Variants in IDH3A observed in about 807,000 individuals in gnomAD.
The protein encoded by IDH3A is isocitrate dehydrogenase (NAD(+)) 3 catalytic subunit alpha, also known as isocitrate dehydrogenase [NAD] subunit alpha, mitochondrial.
IDH3A carries 23 observed loss-of-function variants against 43.3 expected under a neutral mutation model. The observed-to-expected ratio is 0.53, with a 90% CI of 0.38 to 0.75. IDH3A has a LOEUF of 0.75. Among genes scored for constraint, IDH3A ranks in the 30% least tolerant of loss-of-function variants. IDH3A has a pLI of 0.00. For synonymous variants in IDH3A, 154 were observed against 163.5 expected (o/e 0.94, Z 0.44); for missense variants, 329 against 474.4 (o/e 0.69, Z 2.85).
Position 78,155,226 on chromosome 15 carries a change from T to TG in IDH3A, c.46dup (p.Ala16GlyfsTer40). ...ATATTAATATAGGTCTCTCGGCTGCTGGGGGCATTCCACAACCCAAAACAG... is the reference window on the plus strand; with the variant it reads ...ATATTAATATAGGTCTCTCGGCTGCTGGGGGGCATTCCACAACCCAAAACAG... On this transcript the variant is annotated frameshift_variant, in exon 2 of 11. Transcript: ENST00000299518. LOFTEE classifies it high-confidence loss of function. 6.2e-7 allele frequency: 1 copy of TG among 1,612,246 alleles called. No homozygotes were observed. Among genetic ancestry groups the TG allele is most frequent in the Non-Finnish European group, 8.5e-7 (1 of 1,178,280 alleles).
chr15:78,149,948 A>G (rs1431843453), intron 1 of IDH3A, among the ~76,000 whole-genome samples: 1 of 152,242 alleles, frequency 6.6e-6, no homozygotes, highest in African/African-American at 2.4e-5. Flanking sequence ...CCCAGGTGAG[A>G]GAATCCGGGG....
rs139163281 is a variant in IDH3A, at chr15:78,160,866, G to C, written c.289+660G>C. Among the ~76,000 whole-genome samples the C allele has an allele frequency of 2.7e-5, 4 of 150,200 alleles. No homozygotes were observed. The East Asian group carries it at 6.1e-4, about 23-fold the overall frequency. On this transcript the variant is annotated intron_variant, in intron 4 of 10. Coordinates refer to ENST00000299518, the MANE Select transcript of IDH3A (RefSeq NM_005530.3). ...AATTCAAAAATACTAGCATGTGGTA[G>C]ATTTAAATTCAGCATAGGCTTTATT...
chr15:78,152,085 T>C (rs187330111), intron 1 of IDH3A, among the ~76,000 whole-genome samples: 71 of 146,428 alleles, frequency 4.8e-4, no homozygotes, highest in Admixed American at 4.4e-3. Flanking sequence ...TGAGACAGAG[T>C]TTTGCTCCTG....
At chr15:78,150,322 T>C (rs2074563661) in intron 1 of IDH3A, among the ~76,000 whole-genome samples, 1 of 152,214 alleles carries the variant, frequency 6.6e-6, no homozygotes, top group Admixed American at 6.5e-5. Context: ...TTGGTTCCCA[T>C]TTCCCAAGGT....
At chr15:78,163,337 A>G in intron 6 of IDH3A, 170 bp from the exon 7 acceptor site, 1 of 566,624 alleles carries the variant, frequency 1.8e-6, no homozygotes, top group Admixed American at 3.4e-5. Flanking sequence ...ATCCTAAAAC[A>G]TTTTCAGCTT....
chr15:78,161,693 A>G lies in IDH3A; in HGVS notation c.402A>G (p.Lys134=). The G allele has an allele frequency of 6.2e-7, 1 of 1,614,164 alleles. No individual in the cohort carries two copies. Residue 134 remains lysine, a synonymous_variant, in exon 5 of 11, where the codon AAA becomes AAG. Coordinates refer to ENST00000299518, the MANE Select transcript of IDH3A (RefSeq NM_005530.3). The surrounding 1 kb of genome is among the most constrained non-coding windows in gnomAD (Gnocchi z 4.8). The part of the protein sequence containing the change: ...VRPCVSIEGY[K]TPYTDVNIVT... Reference sequence around the variant, plus strand: ...CATGTGTCTCTATCGAAGGCTATAAAACCCCTTACACCGATGTAAATATTG... The same window carrying G: ...CATGTGTCTCTATCGAAGGCTATAAGACCCCTTACACCGATGTAAATATTG...
At chr15:78,149,460 G>A (rs1390232490) in intron 1 of IDH3A, 30 bp downstream of exon 1, 1 of 1,523,636 alleles carries the variant, frequency 6.6e-7, no homozygotes, top group Non-Finnish European at 8.8e-7. Context: ...CGTGTGGCAG[G>A]CAGGCAGGCC....
At chr15:78,158,313 GTGTC>G (rs1023980853) in intron 3 of IDH3A, among the ~76,000 whole-genome samples, 16 of 151,446 alleles carry the variant, frequency 1.1e-4, no homozygotes, top group East Asian at 1.9e-4. Flanking sequence ...GAACAGCACC[GTGTC>G]TGTCTGAGCT....
chr15:78,163,169 T>C (rs564128436), intron 6 of IDH3A, among the ~76,000 whole-genome samples: 3 of 152,340 alleles, frequency 2.0e-5, no homozygotes, highest in East Asian at 1.9e-4. Context: ...ACATGCAAAA[T>C]AGTAAAACTA....
Position 78,162,170 on chromosome 15 carries a change from C to T in IDH3A, c.478-64C>T, listed in dbSNP as rs1387248242. 6.3e-6 allele frequency: 10 copies of T among 1,588,320 alleles called. No individual in the cohort carries two copies. The East Asian group carries it at 6.7e-5, about 11-fold the overall frequency. On this transcript the variant is annotated intron_variant, in intron 5 of 10. Coordinates refer to ENST00000299518, the MANE Select transcript of IDH3A (RefSeq NM_005530.3). ...ACAAATGTTACTGTCTACTCCCCACCCTCTGTCTCCCACTGCGTTGCTGTC... is the reference window on the plus strand; with the variant it reads ...ACAAATGTTACTGTCTACTCCCCACTCTCTGTCTCCCACTGCGTTGCTGTC...
chr15:78,151,937 T>C (rs1015106611), intron 1 of IDH3A, among the ~76,000 whole-genome samples: 19 of 152,074 alleles, frequency 1.2e-4, no homozygotes, highest in African/African-American at 4.6e-4. Flanking sequence ...AGGGTCTCAC[T>C]CTGTTGTCTA....
intron 1 of IDH3A, chr15:78,150,677 T>C (rs889603399): frequency 2.0e-5 from 3 of 152,222 alleles, no homozygotes; most frequent in African/African-American, 7.2e-5. Context: ...ATAATGTATG[T>C]GAAAGCACTT....
chr15:78,160,294 A>G (rs952921211), intron 4 of IDH3A, 88 bp downstream of exon 4: 3 of 708,880 alleles, frequency 4.2e-6, no homozygotes, highest in Non-Finnish European at 7.6e-6. Context: ...AAACTGAATA[A>G]GGCCTGGCCA....
chr15:78,165,843 C>G (rs1032853445), intron 9 of IDH3A, among the ~76,000 whole-genome samples: 4 of 152,094 alleles, frequency 2.6e-5, no homozygotes, highest in African/African-American at 9.7e-5. Flanking sequence ...CAGGCACCAC[C>G]ATGCCTGGCT....
At chr15:78,163,669 G>T (rs575561146) in intron 7 of IDH3A, 47 bp from the exon 8 acceptor site, 2 of 1,560,402 alleles carry the variant, frequency 1.3e-6, no homozygotes, top group East Asian at 4.5e-5. Context: ...TGTGTGTTGT[G>T]GGGATGCAGA....
chr15:78,158,463 A>ATTTTT (rs67298643), intron 3 of IDH3A, among the ~76,000 whole-genome samples: 1 of 67,378 alleles, frequency 1.5e-5, no homozygotes, highest in Non-Finnish European at 3.0e-5. Flanking sequence ...ATATATATAT[A>ATTTTT]TTTTTTTTTT....
intron 10 of IDH3A, 33 bp downstream of exon 10, chr15:78,166,335 A>G: frequency 6.2e-7 from 1 of 1,604,676 alleles, no homozygotes. Context: ...TGTGCTGGGT[A>G]AAATGCATTG....
chr15:78,162,653 C>G (rs1402777595), intron 6 of IDH3A, among the ~76,000 whole-genome samples: 2 of 150,000 alleles, frequency 1.3e-5, no homozygotes, highest in Admixed American at 6.7e-5. Context: ...TCCAGCAATT[C>G]TCTTGCCTCA....
At chr15:78,162,515 C>A (rs1057015876) in intron 6 of IDH3A, 148 bp downstream of exon 6, 2 of 730,570 alleles carry the variant, frequency 2.7e-6, no homozygotes, top group African/African-American at 3.6e-5. Context: ...CGGCATCTCT[C>A]TTCTGTCGGA....
Sources: gnomAD v4.1 joint callset for allele counts (sites outside exome capture counted in the v4.1 genomes callset) on GRCh38, gnomAD v4.1.1 for gene constraint, Gnocchi (gnomAD v3.1) non-coding constraint, MANE v1.5 for transcripts, NCBI Gene and HGNC (gene_info 2026-07-23, HGNC 2026-07-21) for gene names.